Variants in CARM1 observed in about 807,000 individuals in gnomAD.
The protein encoded by CARM1 is histone-arginine methyltransferase CARM1.
CARM1 carries 14 observed loss-of-function variants against 72.7 expected under a neutral mutation model. The observed-to-expected ratio is 0.19, with a 90% CI of 0.13 to 0.30. The LOEUF is 0.30. Among genes scored for constraint, CARM1 ranks in the 10% least tolerant of loss-of-function variants. The pLI is 1.00. For missense variants in CARM1, 432 were observed against 833.7 expected (o/e 0.52, Z 5.93); for synonymous variants, 333 against 345.5 (o/e 0.96, Z 0.40).
At chr19:10,888,059 C>T (rs1209855541) in intron 1 of CARM1, among the ~76,000 whole-genome samples, 4 of 152,236 alleles carry the variant, frequency 2.6e-5, no homozygotes, top group Admixed American at 6.5e-5. Flanking sequence ...ACGCCTCATT[C>T]AGCCCGACCT....
chr19:10,912,750 G>A lies in CARM1; in HGVS notation c.669+456G>A, dbSNP rs1420249304. Among the ~76,000 whole-genome samples, 1 of 152,048 alleles carries A rather than the reference G, an allele frequency of 6.6e-6. No homozygotes were observed. ...CTGCCTCTCCCATGGATCTGGGGTC[G>A]CCGGGGTCGTGGAGGGGCCATCTTT... On this transcript the variant is annotated intron_variant, in intron 5 of 15. Coordinates refer to ENST00000327064, the MANE Select transcript of CARM1 (RefSeq NM_199141.2). This position sits in a 1 kb window ranked among gnomAD's most constrained non-coding sequence, Gnocchi z 4.5.
In CARM1 at chr19:10,908,078, G is replaced by T; in HGVS notation, c.386G>T (p.Gly129Val). Residue 129 changes from glycine to valine, a missense_variant, in exon 3 of 16, where the codon GGC becomes GTC. Coordinates refer to ENST00000327064, the MANE Select transcript of CARM1 (RefSeq NM_199141.2). Reference protein sequence around the residue: ...SFYNILKTCRGHTLERSVFSE... With the variant: ...SFYNILKTCRVHTLERSVFSE... ...TACAACATCCTGAAAACCTGCCGGG[G>T]CCACACCCTGGAGCGGTCTGTGTTC... 6.2e-7 allele frequency: 1 copy of T among 1,614,040 alleles called. No individual in the cohort carries two copies. Among genetic ancestry groups the T allele is most frequent in the Non-Finnish European group, 8.5e-7 (1 of 1,179,962 alleles).
intron 1 of CARM1, among the ~76,000 whole-genome samples, chr19:10,890,130 G>C (rs2073970674): frequency 6.6e-6 from 1 of 152,052 alleles, no homozygotes; most frequent in African/African-American, 2.4e-5. Context: ...TGCAAGCCTG[G>C]GGTCCCAGGT....
At position 10,921,955 on chromosome 19, in the gene CARM1, T is replaced by C; in HGVS notation, c.*198T>C. ...AACCCCCACCTCCCGGCCCTGAGCG[T>C]GTGTCGCTGCCATATTTTACACAAA... On this transcript the variant is annotated 3_prime_UTR_variant, in exon 16 of 16. Transcript: ENST00000327064. 1 of 540,378 alleles carries C rather than the reference T, an allele frequency of 1.9e-6. No individual in the cohort carries two copies. The highest frequency in any genetic ancestry group is 3.2e-6 in the Non-Finnish European group (1 of 308,950). 33.5% of individuals were successfully genotyped at this position (540,378 alleles called of 1,614,324 possible).
chr19:10,911,088 G>A (rs1286680549), intron 4 of CARM1, among the ~76,000 whole-genome samples: 1 of 151,670 alleles, frequency 6.6e-6, no homozygotes, highest in Non-Finnish European at 1.5e-5. Flanking sequence ...ATGGGGTTCT[G>A]CCATGTTGCC....
intron 1 of CARM1, among the ~76,000 whole-genome samples, chr19:10,893,630 C>T (rs929920965): frequency 5.3e-5 from 8 of 152,222 alleles, no homozygotes; most frequent in African/African-American, 1.4e-4. Flanking sequence ...GAGCCACCGC[C>T]CCCTGTCATT....
At chr19:10,907,056 G>A (rs1315120041) in intron 2 of CARM1, among the ~76,000 whole-genome samples, 1 of 151,164 alleles carries the variant, frequency 6.6e-6, no homozygotes, top group African/African-American at 2.4e-5. Context: ...ACAGGTGCCC[G>A]CCACCACCCC....
chr19:10,878,102 C>T (rs2073876810), intron 1 of CARM1, among the ~76,000 whole-genome samples: 1 of 152,136 alleles, frequency 6.6e-6, no homozygotes, highest in Non-Finnish European at 1.5e-5. Context: ...GCCTGAGCCT[C>T]AGAAGTAGCT....
intron 1 of CARM1, among the ~76,000 whole-genome samples, chr19:10,882,514 C>G (rs1446495570): frequency 6.7e-6 from 1 of 149,012 alleles, no homozygotes; most frequent in East Asian, 2.0e-4. Flanking sequence ...CACAGCCCCC[C>G]AATCTCCAGT....
In CARM1 at chr19:10,920,803, G is replaced by A; in HGVS notation, c.1425-31G>A. The stretch of plus-strand genomic sequence containing the variant: ...GGCGCCCCGGCCCTGCAACCCCCTT[G>A]CCCCTGCCCATGGCTCTGTCTCTGC... On this transcript the variant is annotated intron_variant, in intron 12 of 15. Transcript: ENST00000327064. This position sits in a 1 kb window ranked among gnomAD's most constrained non-coding sequence, Gnocchi z 5.3. 6.2e-7 allele frequency: 1 copy of A among 1,613,714 alleles called. No individual in the cohort carries two copies. The highest frequency in any genetic ancestry group is 1.1e-5 in the South Asian group (1 of 91,078).
At chr19:10,887,021 AG>A (rs1425695459) in intron 1 of CARM1, among the ~76,000 whole-genome samples, 1 of 151,916 alleles carries the variant, frequency 6.6e-6, no homozygotes, top group East Asian at 1.9e-4. Context: ...CTGGGACTGC[AG>A]GGGGGCACCA....
intron 1 of CARM1, among the ~76,000 whole-genome samples, chr19:10,899,922 T>C (rs1394452854): frequency 1.3e-5 from 2 of 152,104 alleles, no homozygotes; most frequent in African/African-American, 4.8e-5. Flanking sequence ...GGTTTTGCCA[T>C]GTTGGACAGG....
intron 1 of CARM1, among the ~76,000 whole-genome samples, chr19:10,900,651 C>T (rs760426846): frequency 2.6e-5 from 4 of 152,012 alleles, no homozygotes; most frequent in Non-Finnish European, 4.4e-5. Flanking sequence ...TGCTTGCATA[C>T]GAGTGTCTGT....
rs769691938 is a variant in CARM1, at chr19:10,908,054, A to G, written c.362A>G (p.Tyr121Cys). 3.1e-6 allele frequency: 5 copies of G among 1,613,370 alleles called. 1 individual carries two copies. The South Asian group carries it at 4.4e-5, about 14-fold the overall frequency. The change falls in exon 3 of 16, where the codon TAC becomes TGC. Residue 121 changes from tyrosine to cysteine, a missense_variant. By Grantham distance (194) the Tyr-to-Cys change is radical (BLOSUM62 -2). Coordinates refer to ENST00000327064, the MANE Select transcript of CARM1 (RefSeq NM_199141.2). ...CCTGTTCCAGATTTCTGTTCCTTCT[A>G]CAACATCCTGAAAACCTGCCGGGGC... ...FATPNDFCSFYNILKTCRGHT... is the reference protein window; with the variant it reads ...FATPNDFCSFCNILKTCRGHT...
chr19:10,880,650 C>A (rs1022983944), intron 1 of CARM1, among the ~76,000 whole-genome samples: 3 of 152,024 alleles, frequency 2.0e-5, no homozygotes, highest in Non-Finnish European at 4.4e-5. Flanking sequence ...ATGGCAGCCA[C>A]GGCTCCAGAG....
intron 1 of CARM1, among the ~76,000 whole-genome samples, chr19:10,894,853 G>A (rs2074013136): frequency 6.6e-6 from 1 of 151,146 alleles, no homozygotes; most frequent in Non-Finnish European, 1.5e-5. Context: ...GGATTTTCCT[G>A]CCACAACTTC....
chr19:10,895,414 G>C (rs565693360), intron 1 of CARM1, among the ~76,000 whole-genome samples: 86 of 152,348 alleles, frequency 5.6e-4, no homozygotes, highest in African/African-American at 2.0e-3. Context: ...CTAGGGATGG[G>C]AGGTTTGAAG....
intron 1 of CARM1, among the ~76,000 whole-genome samples, chr19:10,873,524 G>A (rs539068529): frequency 6.6e-5 from 10 of 151,104 alleles, no homozygotes; most frequent in African/African-American, 2.2e-4. Flanking sequence ...GGGAGGCAGA[G>A]GTTGCAATGA....
intron 1 of CARM1, among the ~76,000 whole-genome samples, chr19:10,873,486 G>A (rs2073835895): frequency 6.6e-6 from 1 of 151,528 alleles, no homozygotes; most frequent in African/African-American, 2.4e-5. Flanking sequence ...CTACTCGGGA[G>A]GCAGAGGCAG....
Sources: gnomAD v4.1 joint callset for allele counts (sites outside exome capture counted in the v4.1 genomes callset) on GRCh38, gnomAD v4.1.1 for gene constraint, Gnocchi (gnomAD v3.1) non-coding constraint, MANE v1.5 for transcripts, NCBI Gene and HGNC (gene_info 2026-07-23, HGNC 2026-07-21) for gene names.